KLRG2: variants seen among roughly 807,000 people sequenced by gnomAD.
KLRG2 encodes the protein killer cell lectin like receptor G2, also known as killer cell lectin-like receptor subfamily G member 2.
KLRG2 carries 39 observed loss-of-function variants against 35.4 expected under a neutral mutation model. The observed-to-expected ratio is 1.10, with a 90% CI of 0.85 to 1.44. The LOEUF (loss-of-function observed/expected upper bound fraction) is 1.44, where lower values mean the gene tolerates loss of function less well. KLRG2 is among the 40% of genes most tolerant of loss of function. The pLI is 0.00. For missense variants in KLRG2, 632 were observed against 570.9 expected, an observed-to-expected ratio of 1.11 and a Z score of -1.09; for synonymous variants, 283 against 265.8, an observed-to-expected ratio of 1.06 and a Z score of -0.63.
intron 3 of KLRG2, among the ~76,000 whole-genome samples, chr7:139,457,540 C>A (rs2116432452): frequency 6.6e-6 from 1 of 152,310 alleles, no homozygotes; most frequent in South Asian, 2.1e-4. Flanking sequence ...GCCACGGCCA[C>A]CTAGTACACA....
the KLRG2 span, among the ~76,000 whole-genome samples, chr7:139,445,781 G>GTGTGTATATATATATA: frequency 4.1e-5 from 4 of 98,484 alleles, no homozygotes; most frequent in African/African-American, 3.1e-4. Context: ...ATATATATAT[G>GTGTGTATATATATATA]TATATATATA....
intron 3 of KLRG2, among the ~76,000 whole-genome samples, chr7:139,468,945 A>T (rs537892440): frequency 1.3e-5 from 2 of 152,262 alleles, no homozygotes; most frequent in Admixed American, 6.5e-5. Flanking sequence ...GCCGAGAGAC[A>T]CTAGAGATGG....
chr7:139,483,112 G>T lies in KLRG2; in HGVS notation c.531C>A (p.Ser177=). The T allele has an allele frequency of 1.4e-6, 2 of 1,474,966 alleles. No individual in the cohort carries two copies. The highest frequency in any genetic ancestry group is 2.6e-5 in the South Asian group (2 of 76,702). 91.4% of individuals were successfully genotyped at this position (1,474,966 alleles called of 1,614,324 possible). A position where few individuals can be genotyped will look rare whatever the true frequency, so the allele number is the denominator to read the frequency against. Residue 177 remains serine, a synonymous_variant, in exon 1 of 5, where the codon TCC becomes TCA. Transcript: ENST00000340940. The stretch of plus-strand genomic sequence containing the variant: ...AGCGGCGGCCCCACGTGCCGCCCTG[G>T]GATGGTGCGCGCAGCAGGAGCTGGT... ...PAHQLLLRAP[S]QGGTWGRRSP... is the part of the protein sequence containing the mutation.
intron 3 of KLRG2, among the ~76,000 whole-genome samples, chr7:139,461,362 A>G (rs1796563815): frequency 6.6e-6 from 1 of 152,178 alleles, no homozygotes; most frequent in Non-Finnish European, 1.5e-5. Flanking sequence ...CACTCTGATC[A>G]AGGGCAAGTT....
downstream of KLRG2, among the ~76,000 whole-genome samples, chr7:139,449,903 C>CTA (rs1569407681): frequency 1.3e-5 from 2 of 150,588 alleles, no homozygotes; most frequent in East Asian, 3.9e-4. Flanking sequence ...GGGTTTCATC[C>CTA]TGTTAGCCAG....
intron 3 of KLRG2, among the ~76,000 whole-genome samples, chr7:139,463,272 C>T (rs193272095): frequency 7.9e-5 from 12 of 152,170 alleles, no homozygotes; most frequent in South Asian, 2.1e-4. Context: ...ATTCTTAATA[C>T]GCATTTTATT....
chr7:139,454,719 A>G (rs1298242255), intron 3 of KLRG2, among the ~76,000 whole-genome samples: 42 of 151,636 alleles, frequency 2.8e-4, no homozygotes, highest in East Asian at 1.9e-3. Flanking sequence ...GGGAGGCTGA[A>G]ACAGGAGAAT....
chr7:139,463,491 G>T (rs926307263), intron 3 of KLRG2, among the ~76,000 whole-genome samples: 2 of 152,202 alleles, frequency 1.3e-5, no homozygotes, highest in Non-Finnish European at 2.9e-5. Context: ...ACTTCAAAAT[G>T]CCTAAGCCGC....
At chr7:139,480,387 A>C in intron 1 of KLRG2, 140 bp from the exon 2 acceptor site, 3 of 533,348 alleles carry the variant, frequency 5.6e-6, no homozygotes, top group African/African-American at 2.0e-5. Context: ...GCCAACATAA[A>C]CCACAACGTT....
chr7:139,476,869 T>C (rs1796858710), intron 3 of KLRG2, among the ~76,000 whole-genome samples: 1 of 152,098 alleles, frequency 6.6e-6, no homozygotes, highest in South Asian at 2.1e-4. Flanking sequence ...CACAGATCAG[T>C]GTGGTCATTA....
the KLRG2 span, among the ~76,000 whole-genome samples, chr7:139,439,726 GGAGGGGATGCAGAT>G: frequency 6.6e-6 from 1 of 152,310 alleles, no homozygotes; most frequent in South Asian, 2.1e-4. Context: ...CCTCAGCACA[GGAGGGGATGCAGAT>G]GTTGGTTGGG....
intron 3 of KLRG2, among the ~76,000 whole-genome samples, chr7:139,475,391 C>T (rs1446643994): frequency 1.3e-5 from 2 of 152,000 alleles, no homozygotes; most frequent in Admixed American, 6.6e-5. Flanking sequence ...ATTAGCCAGG[C>T]GTGGTGGCGG....
the KLRG2 span, among the ~76,000 whole-genome samples, chr7:139,443,483 G>GA: frequency 3.3e-5 from 5 of 152,238 alleles, no homozygotes; most frequent in Admixed American, 6.5e-5. Context: ...CAAGTCCTAG[G>GA]AAAAAATGAA....
chr7:139,462,187 C>T (rs1796580277), intron 3 of KLRG2, among the ~76,000 whole-genome samples: 1 of 152,192 alleles, frequency 6.6e-6, no homozygotes, highest in African/African-American at 2.4e-5. Context: ...GGAAAACAGT[C>T]TTCCCTTGGT....
Position 139,483,401 on chromosome 7 carries a change from G to T in KLRG2, c.242C>A (p.Pro81Gln). The change falls in exon 1 of 5, where the codon CCG (proline) becomes CAG (glutamine). Residue 81 changes from proline (P) to glutamine (Q), a missense_variant. Pro to Gln is a moderately conservative substitution (Grantham distance 76). Coordinates refer to ENST00000340940, the MANE Select transcript of KLRG2 (RefSeq NM_198508.4). ...PSPRPGSPRV[P>Q]PLSLGYGVCP... ...GACCCCGTAGCCCAGGCTGAGCGGCGGCACGCGCGGGGACCCGGGGCGAGG... is the reference window on the plus strand; with the variant it reads ...GACCCCGTAGCCCAGGCTGAGCGGCTGCACGCGCGGGGACCCGGGGCGAGG... 6.5e-7 allele frequency: 1 copy of T among 1,541,040 alleles called. No homozygotes were observed.
At chr7:139,430,240 T>C in the KLRG2 span, among the ~76,000 whole-genome samples, 1 of 151,704 alleles carries the variant, frequency 6.6e-6, no homozygotes, top group Non-Finnish European at 1.5e-5. Context: ...CCATCTCTAC[T>C]AAAAATACAA....
At chr7:139,480,070 T>A in intron 2 of KLRG2, 76 bp downstream of exon 2, 1 of 990,972 alleles carries the variant, frequency 1.0e-6, no homozygotes, top group Admixed American at 1.8e-5. Context: ...AATTCTAAGG[T>A]GTTTTAAGGG....
chr7:139,446,318 T>C, the KLRG2 span, among the ~76,000 whole-genome samples: 1 of 149,476 alleles, frequency 6.7e-6, no homozygotes, highest in Admixed American at 6.7e-5. Flanking sequence ...GGAGAATCCA[T>C]TCTTTGCATT....
intron 3 of KLRG2, among the ~76,000 whole-genome samples, chr7:139,471,719 A>G (rs1271089273): frequency 6.6e-6 from 1 of 151,944 alleles, no homozygotes; most frequent in African/African-American, 2.4e-5. Flanking sequence ...AGGGGTTCTC[A>G]GGAGGGCTCC....
Sources: gnomAD v4.1 joint callset for allele counts (sites outside exome capture counted in the v4.1 genomes callset) on GRCh38, gnomAD v4.1.1 for gene constraint, MANE v1.5 for transcripts, NCBI Gene and HGNC (gene_info 2026-07-23, HGNC 2026-07-21) for gene names.